Variants in GABPA observed in about 807,000 individuals in gnomAD.
The protein encoded by GABPA is GA-binding protein alpha chain.
Under a neutral mutation model 59.4 loss-of-function variants are expected in GABPA, and 4 were observed. The observed-to-expected ratio is 0.07, with a 90% CI of 0.03 to 0.15. The LOEUF (loss-of-function observed/expected upper bound fraction) is 0.15, where lower values mean the gene tolerates loss of function less well. Ranked by LOEUF, GABPA falls within the 10% of genes least tolerant of loss-of-function variation. The pLI is 1.00. For missense variants in GABPA, 251 were observed against 543.8 expected (o/e 0.46, Z 5.36); for synonymous variants, 164 against 183.1 (o/e 0.90, Z 0.84).
At chr21:25,748,877 GAATT>G (rs1329419128) in intron 3 of GABPA, among the ~76,000 whole-genome samples, 155 bp from the exon 4 acceptor site, 2 of 152,164 alleles carry the variant, frequency 1.3e-5, no homozygotes, top group Admixed American at 6.5e-5. Context: ...TTTTGGCAAA[GAATT>G]AAATATGACA....
intron 1 of GABPA, 47 bp from the exon 2 acceptor site, chr21:25,741,526 C>T (rs1055460297): frequency 3.0e-6 from 3 of 1,015,990 alleles, no homozygotes; most frequent in Admixed American, 2.5e-5. Flanking sequence ...TGTGTCATTT[C>T]GTTTATGTGG....
At chr21:25,767,494 C>T (rs1454452647) in intron 9 of GABPA, among the ~76,000 whole-genome samples, 1 of 151,766 alleles carries the variant, frequency 6.6e-6, no homozygotes, top group East Asian at 1.9e-4. Context: ...TCTACTAGAT[C>T]AAAAGAAGTA....
intron 5 of GABPA, among the ~76,000 whole-genome samples, chr21:25,755,707 G>A (rs1026632563): frequency 9.2e-5 from 14 of 152,102 alleles, no homozygotes; most frequent in Non-Finnish European, 1.6e-4. Context: ...ATTAATAAAT[G>A]TTTTCCCGGT....
chr21:25,772,005 T>C lies in GABPA; in HGVS notation c.*2773T>C, dbSNP rs2036018573. On this transcript the variant is annotated 3_prime_UTR_variant, in exon 10 of 10. Coordinates refer to ENST00000400075, the MANE Select transcript of GABPA (RefSeq NM_002040.4). ...CCTGATTAATGGTGATATTCAAGTA[T>C]GATACAAAAAGAATTGTACCACCAA... 1 of 152,106 alleles carries C rather than the reference T, an allele frequency of 6.6e-6. No individual in the cohort carries two copies. The allele number at this position is 152,106 out of a possible 1,614,324, so 9.4% of individuals were successfully genotyped here. A position where few individuals can be genotyped will look rare whatever the true frequency, so the allele number is the denominator to read the frequency against.
chr21:25,738,835 A>G (rs2035145131), intron 1 of GABPA, among the ~76,000 whole-genome samples: 1 of 152,290 alleles, frequency 6.6e-6, no homozygotes, highest in South Asian at 2.1e-4. Context: ...TTCAGCCCTC[A>G]GGATGAATTC....
Position 25,770,165 on chromosome 21 carries a change from A to G in GABPA, c.*933A>G, listed in dbSNP as rs2035981283. The G allele has an allele frequency of 6.6e-6, 1 of 152,566 alleles. No individual in the cohort carries two copies. Among genetic ancestry groups the G allele is most frequent in the Non-Finnish European group, 1.5e-5 (1 of 67,988 alleles). 9.5% of individuals were successfully genotyped at this position (152,566 alleles called of 1,614,324 possible). A position where few individuals can be genotyped will look rare whatever the true frequency, so the allele number is the denominator to read the frequency against. ...GTTTCTGATAAAATGAAGACTTTAA[A>G]TCAGTCAGTAGTACTTTACCTTTCA... On this transcript the variant is annotated 3_prime_UTR_variant, in exon 10 of 10. Transcript: ENST00000400075.
At chr21:25,738,060 T>TA (rs2035125826) in intron 1 of GABPA, among the ~76,000 whole-genome samples, 1 of 152,180 alleles carries the variant, frequency 6.6e-6, no homozygotes, top group Non-Finnish European at 1.5e-5. Context: ...CTGGAATGCT[T>TA]AGTTAGGGAT....
At chr21:25,749,927 C>T (rs1044046966) in intron 4 of GABPA, among the ~76,000 whole-genome samples, 12 of 152,182 alleles carry the variant, frequency 7.9e-5, no homozygotes, top group African/African-American at 2.4e-4. Flanking sequence ...ACAGTTTTTC[C>T]GTGGATTGGG....
chr21:25,749,858 T>C (rs992814089), intron 4 of GABPA, among the ~76,000 whole-genome samples: 1 of 152,112 alleles, frequency 6.6e-6, no homozygotes, highest in Admixed American at 6.6e-5. Flanking sequence ...AAAAAATAGA[T>C]GTTATCTGCC....
chr21:25,740,063 A>C (rs1000504002), intron 1 of GABPA, among the ~76,000 whole-genome samples: 4 of 152,068 alleles, frequency 2.6e-5, no homozygotes, highest in Non-Finnish European at 2.9e-5. Context: ...TTGTACTGAT[A>C]TACGCAATAC....
At chr21:25,738,933 A>C (rs1187155862) in intron 1 of GABPA, among the ~76,000 whole-genome samples, 1 of 152,076 alleles carries the variant, frequency 6.6e-6, no homozygotes, top group Non-Finnish European at 1.5e-5. Context: ...AGAAAAAAAA[A>C]AACCAAAAAC....
chr21:25,739,391 T>C (rs1362361367), intron 1 of GABPA, among the ~76,000 whole-genome samples: 1 of 152,204 alleles, frequency 6.6e-6, no homozygotes, highest in Non-Finnish European at 1.5e-5. Context: ...GTCAGAAATA[T>C]GAAGTAGGTC....
intron 5 of GABPA, 105 bp from the exon 6 acceptor site, chr21:25,757,905 G>A (rs751974721): frequency 1.8e-5 from 8 of 444,374 alleles, no homozygotes; most frequent in African/African-American, 4.5e-5. Context: ...CATATACTTG[G>A]GGAAAGAAAA....
chr21:25,768,918 G>A, intron 9 of GABPA, 86 bp from the exon 10 acceptor site: 1 of 829,650 alleles, frequency 1.2e-6, no homozygotes, highest in Admixed American at 2.1e-5. Flanking sequence ...TACTCTACTA[G>A]GCTTCTGCTT....
At chr21:25,752,272 A>G in intron 5 of GABPA, 38 bp downstream of exon 5, 1 of 1,597,170 alleles carries the variant, frequency 6.3e-7, no homozygotes, top group East Asian at 2.2e-5. Flanking sequence ...GTAGAATAAT[A>G]GGAATTAAGC....
chr21:25,739,484 C>A (rs1476465608), intron 1 of GABPA, among the ~76,000 whole-genome samples: 1 of 152,230 alleles, frequency 6.6e-6, no homozygotes, highest in African/African-American at 2.4e-5. Flanking sequence ...CTTTCAGAAG[C>A]TACCTGCATT....
intron 1 of GABPA, among the ~76,000 whole-genome samples, chr21:25,738,490 C>T (rs1357602968): frequency 6.6e-6 from 1 of 152,106 alleles, no homozygotes; most frequent in African/African-American, 2.4e-5. Flanking sequence ...GAACATAAAT[C>T]TTGATTTTTA....
At chr21:25,741,408 A>G (rs1263828555) in intron 1 of GABPA, among the ~76,000 whole-genome samples, 165 bp from the exon 2 acceptor site, 1 of 151,934 alleles carries the variant, frequency 6.6e-6, no homozygotes, top group South Asian at 2.1e-4. Context: ...TCCTGGGATT[A>G]GAGACATGAG....
In GABPA at chr21:25,772,219, G is replaced by T. The variant is rs1444871761; in HGVS notation, c.*2987G>T. Reference sequence around the variant, plus strand: ...TTGATACTTCAATATTTCACTTGCTGCCAGGAAAAACAAAATTCTCAATCT... The same window carrying T: ...TTGATACTTCAATATTTCACTTGCTTCCAGGAAAAACAAAATTCTCAATCT... On this transcript the variant is annotated 3_prime_UTR_variant, in exon 10 of 10. Coordinates refer to ENST00000400075, the MANE Select transcript of GABPA (RefSeq NM_002040.4). 1.3e-5 allele frequency: 2 copies of T among 152,024 alleles called. No individual in the cohort carries two copies. The highest frequency in any genetic ancestry group is 1.3e-4 in the Admixed American group (2 of 15,270). The allele number at this position is 152,024 out of a possible 1,614,324, so 9.4% of individuals were successfully genotyped here. A position where few individuals can be genotyped will look rare whatever the true frequency, so the allele number is the denominator to read the frequency against.
Sources: gnomAD v4.1 joint callset for allele counts (sites outside exome capture counted in the v4.1 genomes callset) on GRCh38, gnomAD v4.1.1 for gene constraint, MANE v1.5 for transcripts, NCBI Gene and HGNC (gene_info 2026-07-23, HGNC 2026-07-21) for gene names.